Variants in INSL6 observed in about 807,000 individuals in gnomAD.
INSL6 encodes insulin like 6.
A neutral mutation model predicts 9.4 loss-of-function variants in INSL6; 16 were observed. The ratio of observed to expected loss-of-function variants is 1.70; its 90% confidence interval spans 1.15 to 2.59. INSL6 has a LOEUF of 2.59. Among genes scored for constraint, INSL6 ranks in the 30% most tolerant of loss-of-function variants. The pLI is 0.00. For missense variants in INSL6, 391 were observed against 257.3 expected (o/e 1.52, Z -3.56); for synonymous variants, 154 against 96.9 (o/e 1.59, Z -3.46).
chr9:5,087,236 C>A, the INSL6 span, among the ~76,000 whole-genome samples: 2 of 152,184 alleles, frequency 1.3e-5, no homozygotes, highest in African/African-American at 4.8e-5. Context: ...AGGAAACTTA[C>A]AGTCATGGCA....
chr9:5,130,684 C>G (rs1824256866), intron 3 of INSL6, among the ~76,000 whole-genome samples: 1 of 151,610 alleles, frequency 6.6e-6, no homozygotes, highest in South Asian at 2.1e-4. Context: ...ATTATGGAAA[C>G]TCAGAGTATG....
At chr9:5,019,956 C>T in the INSL6 span, among the ~76,000 whole-genome samples, 5 of 152,264 alleles carry the variant, frequency 3.3e-5, no homozygotes, top group East Asian at 9.6e-4. Context: ...GTACATTAGC[C>T]CCAGGGTGGC....
At chr9:5,062,000 C>T in the INSL6 span, among the ~76,000 whole-genome samples, 1 of 152,134 alleles carries the variant, frequency 6.6e-6, no homozygotes, top group Non-Finnish European at 1.5e-5. Flanking sequence ...TTCGGTGGAG[C>T]AGTCAGAACA....
chr9:5,072,500 C>A, the INSL6 span: 1 of 1,576,306 alleles, frequency 6.3e-7, no homozygotes, highest in African/African-American at 1.4e-5. Context: ...AGAATGAAAG[C>A]CTTGGCCAAG....
the INSL6 span, chr9:5,085,639 C>T: frequency 9.7e-6 from 7 of 719,746 alleles, no homozygotes; most frequent in African/African-American, 1.7e-5. Flanking sequence ...CTTCTTTTCA[C>T]CCCAGATCTT....
downstream of INSL6, among the ~76,000 whole-genome samples, chr9:5,160,342 G>A (rs1400064528): frequency 1.3e-5 from 2 of 152,054 alleles, no homozygotes; most frequent in East Asian, 3.8e-4. Context: ...ACATGCTCCT[G>A]AATGACCAGT....
chr9:5,024,599 A>G, the INSL6 span, among the ~76,000 whole-genome samples: 1 of 152,164 alleles, frequency 6.6e-6, no homozygotes, highest in East Asian at 1.9e-4. Context: ...AATGCTTTTC[A>G]GTGCTGTCAT....
the INSL6 span, among the ~76,000 whole-genome samples, chr9:5,010,062 G>A: frequency 8.5e-5 from 13 of 152,136 alleles, no homozygotes; most frequent in Non-Finnish European, 1.0e-4. Context: ...ATGAGCCATC[G>A]CACCTAGCCT....
the INSL6 span, chr9:5,098,434 TTC>T: frequency 6.6e-6 from 1 of 152,184 alleles, no homozygotes; most frequent in Non-Finnish European, 1.5e-5. Flanking sequence ...TATAATTATT[TTC>T]CTAATTAGTT....
chr9:5,044,835 G>A, the INSL6 span, among the ~76,000 whole-genome samples: 9 of 152,108 alleles, frequency 5.9e-5, no homozygotes, highest in South Asian at 2.1e-4. Flanking sequence ...GTAGACATAC[G>A]TGGCTAAAAT....
chr9:5,055,011 A>G, the INSL6 span: 6 of 665,764 alleles, frequency 9.0e-6, no homozygotes, highest in Non-Finnish European at 1.2e-5. Context: ...GAAGTTTTTA[A>G]TAGCGTGAAC....
the INSL6 span, among the ~76,000 whole-genome samples, chr9:5,047,798 G>C: frequency 6.6e-6 from 1 of 151,854 alleles, no homozygotes; most frequent in Non-Finnish European, 1.5e-5. Flanking sequence ...ATGGGGTCTC[G>C]CTCTATTGTC....
At chr9:5,086,134 G>A in the INSL6 span, 515 of 392,674 alleles carry the variant, frequency 1.3e-3, 11 homozygotes, top group South Asian at 0.015. Flanking sequence ...GCGCGGCCCC[G>A]GCGGCCCCGC....
At chr9:5,022,632 G>A in the INSL6 span, among the ~76,000 whole-genome samples, 1 of 152,152 alleles carries the variant, frequency 6.6e-6, no homozygotes, top group Non-Finnish European at 1.5e-5. Flanking sequence ...GTTAGCTTCT[G>A]AAGACCTCTG....
downstream of INSL6, among the ~76,000 whole-genome samples, chr9:5,120,418 A>C (rs560742920): frequency 6.6e-6 from 1 of 152,352 alleles, no homozygotes; most frequent in South Asian, 2.1e-4. Flanking sequence ...TTTGCCCATG[A>C]TATCATTTTT....
chr9:5,137,330 A>C (rs1564035854), intron 2 of INSL6, among the ~76,000 whole-genome samples: 1 of 152,220 alleles, frequency 6.6e-6, no homozygotes, highest in Non-Finnish European at 1.5e-5. Flanking sequence ...CTAAGCAAAA[A>C]GAACAAAGCT....
At chr9:5,029,636 G>A in the INSL6 span, 1,012 of 594,106 alleles carry the variant, frequency 1.7e-3, 4 homozygotes, top group African/African-American at 0.014. Flanking sequence ...CAGTTGTAGG[G>A]GTTGGTATAT....
At chr9:4,998,008 G>A in the INSL6 span, among the ~76,000 whole-genome samples, 14 of 152,004 alleles carry the variant, frequency 9.2e-5, no homozygotes, top group East Asian at 2.3e-3. Flanking sequence ...TAGCATGGCA[G>A]TATTTTAAAA....
At chr9:5,113,824 G>GAGACAGCGACTGGCTCA in the INSL6 span, 1 of 175,776 alleles carries the variant, frequency 5.7e-6, no homozygotes, top group Non-Finnish European at 1.2e-5. Context: ...TCTGTGGTCC[G>GAGACAGCGACTGGCTCA]CAGACCAGGT....
Sources: allele counts gnomAD v4.1 joint callset (sites outside exome capture counted in the v4.1 genomes callset), GRCh38; gene constraint gnomAD v4.1.1; transcripts MANE v1.5; gene names NCBI Gene and HGNC (gene_info 2026-07-23, HGNC 2026-07-21).